MYT1L: variants seen among roughly 807,000 people sequenced by gnomAD.
The protein encoded by MYT1L is myelin transcription factor 1 like.
In MYT1L, 12 loss-of-function variants were observed where a neutral mutation model predicts 126.7. The ratio of observed to expected loss-of-function variants is 0.09; its 90% CI spans 0.06 to 0.15. The LOEUF (loss-of-function observed/expected upper bound fraction) is 0.15, where lower values mean the gene tolerates loss of function less well. Among genes scored for constraint, MYT1L ranks in the 10% least tolerant of loss-of-function variants. The pLI, the probability that MYT1L is intolerant of heterozygous loss-of-function variation, is 1.00. For synonymous variants in MYT1L, 541 were observed against 604.2 expected, an observed-to-expected ratio of 0.90 and a Z score of 1.53; for missense variants, 979 against 1,585.2, an observed-to-expected ratio of 0.62 and a Z score of 6.49.
intron 3 of MYT1L, among the ~76,000 whole-genome samples, chr2:2,087,855 T>C (rs908533137): frequency 2.0e-5 from 3 of 152,226 alleles, no homozygotes; most frequent in Non-Finnish European, 4.4e-5. Flanking sequence ...AACGGGCCAG[T>C]GACAGCTTGC....
chr2:1,971,721 A>G (rs1243542709), intron 8 of MYT1L, among the ~76,000 whole-genome samples: 1 of 152,142 alleles, frequency 6.6e-6, no homozygotes. Flanking sequence ...ACAGAGCGAG[A>G]CTCCATCTCA....
intron 9 of MYT1L, among the ~76,000 whole-genome samples, chr2:1,933,005 T>C (rs2055227481): frequency 6.6e-6 from 1 of 152,130 alleles, no homozygotes; most frequent in South Asian, 2.1e-4. Context: ...TGTGTCAGCG[T>C]GCCTGGGAGG....
At chr2:1,967,817 G>A (rs1410119158) in intron 8 of MYT1L, among the ~76,000 whole-genome samples, 1 of 152,136 alleles carries the variant, frequency 6.6e-6, no homozygotes, top group African/African-American at 2.4e-5. Context: ...TGGGAACAGC[G>A]AGTGCTTCTG....
rs2048588408 is a variant in MYT1L, at chr2:1,889,620, C to T, written c.2284-143G>A. 3.2e-6 allele frequency: 2 copies of T among 632,196 alleles called. No homozygotes were observed. The highest frequency in any genetic ancestry group is 5.1e-6 in the Non-Finnish European group (2 of 391,312). The allele number at this position is 632,196 out of a possible 1,614,324, so 39.2% of individuals were successfully genotyped here. ...CGCTGCTGTTTCCTTGGCCTAAACT[C>T]CCAAGGCGGACAGGCCTTGTCTGGT... On this transcript the variant is annotated intron_variant, in intron 15 of 24. Coordinates refer to ENST00000647738, the MANE Select transcript of MYT1L (RefSeq NM_001303052.2). The surrounding 1 kb of genome is among the most constrained non-coding windows in gnomAD (Gnocchi z 4.1).
Position 2,182,180 on chromosome 2 carries a change from G to A in MYT1L, c.-420-9192C>T, listed in dbSNP as rs761378624. Among the ~76,000 whole-genome samples, 7 of 152,114 alleles carry A rather than the reference G, an allele frequency of 4.6e-5. 1 individual carries two copies. In the South Asian group the frequency reaches 6.2e-4, roughly 14 times the overall value. On this transcript the variant is annotated intron_variant, in intron 2 of 24. Transcript: ENST00000647738. The stretch of plus-strand genomic sequence containing the variant: ...ACGGACAGCACGCCCCACTCTGACC[G>A]CACTGTGTCTTGGAACTGTGGCCAT...
intron 3 of MYT1L, among the ~76,000 whole-genome samples, chr2:2,115,671 T>TG (rs2080109805): frequency 6.6e-6 from 1 of 152,254 alleles, no homozygotes; most frequent in Admixed American, 6.5e-5. Flanking sequence ...GAGATGCCCC[T>TG]GCCTTTCTGT....
intron 18 of MYT1L, among the ~76,000 whole-genome samples, chr2:1,884,465 C>T (rs2047935862): frequency 6.6e-6 from 1 of 152,172 alleles, no homozygotes; most frequent in Non-Finnish European, 1.5e-5. Context: ...CCAGATCCAA[C>T]AAGTAACAGA....
In MYT1L at chr2:2,224,590, C is replaced by T. The variant is rs571982165; in HGVS notation, c.-420-51602G>A. Among the ~76,000 whole-genome samples, 5 of 152,112 alleles carry T rather than the reference C, an allele frequency of 3.3e-5. No individual in the cohort carries two copies. Among genetic ancestry groups the T allele is most frequent in the Non-Finnish European group, 5.9e-5 (4 of 67,990 alleles). On this transcript the variant is annotated intron_variant, in intron 2 of 24. Coordinates refer to ENST00000647738, the MANE Select transcript of MYT1L (RefSeq NM_001303052.2). This position sits in a 1 kb window ranked among gnomAD's most constrained non-coding sequence, Gnocchi z 4.0. ...ATCTCAACACTTTGGGAGGTCAAGACGGGCGGATCACGAGGTCAAGAGATT... is the reference window on the plus strand; with the variant it reads ...ATCTCAACACTTTGGGAGGTCAAGATGGGCGGATCACGAGGTCAAGAGATT...
At chr2:2,257,879 T>C (rs1403023717) in intron 2 of MYT1L, among the ~76,000 whole-genome samples, 3 of 146,740 alleles carry the variant, frequency 2.0e-5, no homozygotes, top group Admixed American at 2.0e-4. Context: ...CTTCACAGAA[T>C]TGGAAAAAAC....
chr2:2,007,337 A>AT (rs2063430454), intron 4 of MYT1L, among the ~76,000 whole-genome samples: 1 of 152,124 alleles, frequency 6.6e-6, no homozygotes, highest in African/African-American at 2.4e-5. Flanking sequence ...CTATCTCTTG[A>AT]TTTTTGGATA....
At chr2:2,182,107 C>G (rs992482173) in intron 2 of MYT1L, among the ~76,000 whole-genome samples, 1 of 151,490 alleles carries the variant, frequency 6.6e-6, no homozygotes, top group Non-Finnish European at 1.5e-5. Context: ...ACCATGGCCA[C>G]GGACAGCACG....
At chr2:2,040,102 C>T (rs182688754) in intron 4 of MYT1L, among the ~76,000 whole-genome samples, 1 of 152,318 alleles carries the variant, frequency 6.6e-6, no homozygotes, top group Admixed American at 6.5e-5. Flanking sequence ...CTGATCACAG[C>T]TGGCGATATG....
At chr2:1,849,156 A>C (rs1259708170) in intron 19 of MYT1L, among the ~76,000 whole-genome samples, 3 of 11,912 alleles carry the variant, frequency 2.5e-4, no homozygotes, top group Non-Finnish European at 5.3e-4. Context: ...ACTCCCACCA[A>C]AAAAAAAAAA....
At chr2:2,182,392 G>A (rs1206896212) in intron 2 of MYT1L, among the ~76,000 whole-genome samples, 1 of 152,154 alleles carries the variant, frequency 6.6e-6, no homozygotes. Flanking sequence ...CTGATATTTT[G>A]AGTCACTATT....
chr2:2,158,241 A>G (rs889579961), intron 3 of MYT1L, among the ~76,000 whole-genome samples: 9 of 152,006 alleles, frequency 5.9e-5, no homozygotes, highest in African/African-American at 2.2e-4. Context: ...CTTGCTAGGC[A>G]GATTTTATTT....
At chr2:2,139,449 G>A (rs1017668471) in intron 3 of MYT1L, among the ~76,000 whole-genome samples, 1 of 151,230 alleles carries the variant, frequency 6.6e-6, no homozygotes, top group African/African-American at 2.4e-5. Context: ...ATGAAACCCT[G>A]TTTCTACTAA....
chr2:1,837,541 T>TTGCACAAGGACATGGAGTTGTG (rs1374329360), intron 21 of MYT1L, among the ~76,000 whole-genome samples: 10 of 152,292 alleles, frequency 6.6e-5, no homozygotes, highest in African/African-American at 1.9e-4. Flanking sequence ...GAAGATCTGC[T>TTGCACAAGGACATGGAGTTGTG]TGCACAAGGA....
intron 2 of MYT1L, among the ~76,000 whole-genome samples, chr2:2,213,840 A>G (rs535517206): frequency 1.3e-5 from 2 of 152,218 alleles, no homozygotes; most frequent in Non-Finnish European, 2.9e-5. Context: ...AGGCATGAAA[A>G]GAAGCAGAAA....
chr2:2,197,823 A>T (rs997697963), intron 2 of MYT1L, among the ~76,000 whole-genome samples: 1 of 151,806 alleles, frequency 6.6e-6, no homozygotes, highest in Admixed American at 6.6e-5. Flanking sequence ...ATGCACACAC[A>T]CACGCACACA....
Sources: gnomAD v4.1 joint callset for allele counts (sites outside exome capture counted in the v4.1 genomes callset) on GRCh38, gnomAD v4.1.1 for gene constraint, Gnocchi (gnomAD v3.1) non-coding constraint, MANE v1.5 for transcripts, NCBI Gene and HGNC (gene_info 2026-07-23, HGNC 2026-07-21) for gene names.